Variants in ADGRL2 observed in about 807,000 individuals in gnomAD.
ADGRL2 encodes the protein calcium-independent alpha-latrotoxin receptor 2.
In ADGRL2, 44 loss-of-function variants were observed where a neutral mutation model predicts 157.4. That is an observed-to-expected ratio of 0.28 (90% CI 0.22 to 0.36). The LOEUF is 0.36. ADGRL2 is among the 10% of genes least tolerant of loss of function. The pLI is 1.00. For synonymous variants in ADGRL2, 585 were observed against 624.7 expected (o/e 0.94, Z 0.95); for missense variants, 1,510 against 1,768.9 (o/e 0.85, Z 2.63).
intron 2 of ADGRL2, among the ~76,000 whole-genome samples, chr1:81,763,677 G>C (rs2085985874): frequency 6.6e-6 from 1 of 151,758 alleles, no homozygotes; most frequent in Admixed American, 6.6e-5. Context: ...AAGTTCAGGA[G>C]TTCGAGACCA....
intron 3 of ADGRL2, among the ~76,000 whole-genome samples, chr1:81,692,330 T>C (rs559096711): frequency 1.3e-5 from 2 of 152,034 alleles, no homozygotes; most frequent in South Asian, 4.1e-4. Flanking sequence ...ATAAATCAAA[T>C]CAAATAATGT....
chr1:81,761,527 A>T (rs2149307741), intron 1 of ADGRL2, among the ~76,000 whole-genome samples: 1 of 152,132 alleles, frequency 6.6e-6, no homozygotes, highest in South Asian at 2.1e-4. Context: ...CTGAGTGAAA[A>T]AAAAATTTAT....
intron 2 of ADGRL2, among the ~76,000 whole-genome samples, chr1:81,876,275 A>G (rs1384869496): frequency 1.3e-5 from 2 of 152,142 alleles, no homozygotes; most frequent in African/African-American, 2.4e-5. Flanking sequence ...TGAAGCGGAT[A>G]CTTGTAAGTT....
At chr1:81,656,035 C>A (rs2082527311) in intron 3 of ADGRL2, among the ~76,000 whole-genome samples, 1 of 152,154 alleles carries the variant, frequency 6.6e-6, no homozygotes, top group South Asian at 2.1e-4. Flanking sequence ...AGAGTATACC[C>A]TTTTTACCTC....
chr1:81,741,783 CACTTG>C (rs2085081266), intron 1 of ADGRL2, among the ~76,000 whole-genome samples: 3 of 151,866 alleles, frequency 2.0e-5, no homozygotes, highest in African/African-American at 7.2e-5. Context: ...TTTCAAAATT[CACTTG>C]ACTTTGAAAT....
chr1:81,525,430 G>A (rs1223991837), intron 2 of ADGRL2, among the ~76,000 whole-genome samples: 1 of 152,046 alleles, frequency 6.6e-6, no homozygotes, highest in Non-Finnish European at 1.5e-5. Context: ...CGATTCTCAT[G>A]CCTCAGCCTC....
At chr1:81,626,209 C>A (rs566600574) in intron 3 of ADGRL2, among the ~76,000 whole-genome samples, 1 of 152,318 alleles carries the variant, frequency 6.6e-6, no homozygotes, top group South Asian at 2.1e-4. Flanking sequence ...CACACCTTGC[C>A]TGGGAAATAT....
At chr1:81,759,101 A>G (rs2085786064) in intron 1 of ADGRL2, among the ~76,000 whole-genome samples, 1 of 152,156 alleles carries the variant, frequency 6.6e-6, no homozygotes, top group Non-Finnish European at 1.5e-5. Flanking sequence ...TTTAAATATA[A>G]TCTTTTCCAG....
intron 4 of ADGRL2, among the ~76,000 whole-genome samples, chr1:81,937,838 G>C (rs901240058): frequency 6.6e-6 from 1 of 151,734 alleles, no homozygotes; most frequent in Non-Finnish European, 1.5e-5. Flanking sequence ...AGTTCTGACA[G>C]ATTTATATGT....
rs1157527265 is a variant in ADGRL2, at chr1:81,991,209, T to A, written c.*64T>A. The A allele has an allele frequency of 4.8e-6, 7 of 1,443,528 alleles. No individual in the cohort carries two copies. The highest frequency in any genetic ancestry group is 6.5e-6 in the Non-Finnish European group (7 of 1,069,898). The allele number at this position is 1,443,528 out of a possible 1,614,324, so 89.4% of individuals were successfully genotyped here. ...TTAATAAATAAAGACACCATTGGCC[T>A]GACGCAGCTCCCTCAAACTCTGCTT... On this transcript the variant is annotated 3_prime_UTR_variant, in exon 24 of 24. Coordinates refer to ENST00000686636, the MANE Select transcript of ADGRL2 (RefSeq NM_001366006.2).
chr1:81,762,294 G>A (rs1255555445), intron 2 of ADGRL2, among the ~76,000 whole-genome samples: 2 of 151,966 alleles, frequency 1.3e-5, no homozygotes, highest in African/African-American at 4.8e-5. Context: ...GTTTGACCGG[G>A]GCTTTGCAGC....
intron 2 of ADGRL2, among the ~76,000 whole-genome samples, chr1:81,498,207 A>G (rs1048133382): frequency 2.0e-5 from 3 of 152,190 alleles, no homozygotes; most frequent in African/African-American, 7.2e-5. Context: ...AAAATCTAGC[A>G]AGTATCGTGA....
At position 81,721,135 on chromosome 1, in the gene ADGRL2, G is replaced by A. The variant is rs571975221; in HGVS notation, c.-143+21327G>A. 5.3e-5 allele frequency among the ~76,000 whole-genome samples: 8 copies of A among 149,994 alleles called. No homozygotes were observed. The East Asian group carries it at 1.6e-3, about 30-fold the overall frequency. On this transcript the variant is annotated intron_variant, in intron 1 of 20. Transcript: ENST00000359929. ...GATCCTCCTGCGTCAGCCTCCCAAA[G>A]TGCTGGGATTACGGGTGTGAGCCAC...
At chr1:81,317,758 TAGG>T (rs1249228902) in intron 1 of ADGRL2, among the ~76,000 whole-genome samples, 1 of 152,162 alleles carries the variant, frequency 6.6e-6, no homozygotes, top group Non-Finnish European at 1.5e-5. Context: ...CATTTGTAAG[TAGG>T]GGGTCTGTCT....
chr1:81,674,516 T>TCCCAAGCAACAA (rs1417920225), intron 3 of ADGRL2, among the ~76,000 whole-genome samples: 1 of 152,170 alleles, frequency 6.6e-6, no homozygotes, highest in Non-Finnish European at 1.5e-5. Context: ...TTTGTTGCTG[T>TCCCAAGCAACAA]TTTTATTTGC....
intron 3 of ADGRL2, among the ~76,000 whole-genome samples, chr1:81,587,178 A>T (rs988440594): frequency 6.6e-6 from 1 of 152,136 alleles, no homozygotes; most frequent in Non-Finnish European, 1.5e-5. Flanking sequence ...GTAGAGGTAC[A>T]AAGACAAATC....
In ADGRL2 at chr1:81,384,813, TA is replaced by T. The variant is rs141006962; in HGVS notation, c.-301-60221del. 3.9e-3 allele frequency among the ~76,000 whole-genome samples: 593 copies of T among 152,300 alleles called. 5 individuals are homozygous for T. Among genetic ancestry groups the T allele is most frequent in the African/African-American group, 0.013 (539 of 41,578 alleles). ...AAAGGCCATTTCATTATGTAGCTGG[TA>T]ATAGATTAGGGTACAAGGAACAGCC... On this transcript the variant is annotated intron_variant, in intron 1 of 24. Coordinates refer to the ADGRL2 transcript ENST00000370721.
intron 1 of ADGRL2, among the ~76,000 whole-genome samples, chr1:81,377,348 G>A (rs537333270): frequency 6.6e-6 from 1 of 151,868 alleles, no homozygotes; most frequent in South Asian, 2.1e-4. Context: ...TATATTGTCC[G>A]GCATTTAATC....
At chr1:81,809,975 G>A (rs183142781) in intron 1 of ADGRL2, among the ~76,000 whole-genome samples, 65 of 151,934 alleles carry the variant, frequency 4.3e-4, no homozygotes, top group Middle Eastern at 3.4e-3. Context: ...CACACCTCAA[G>A]CTAGTTATTA....
Sources: gnomAD v4.1 joint callset for allele counts (sites outside exome capture counted in the v4.1 genomes callset) on GRCh38, gnomAD v4.1.1 for gene constraint, MANE v1.5 for transcripts, NCBI Gene and HGNC (gene_info 2026-07-23, HGNC 2026-07-21) for gene names.